PCDHGA3: variants seen among roughly 807,000 people sequenced by gnomAD.
The protein encoded by PCDHGA3 is protocadherin gamma-A3.
PCDHGA3 carries 40 observed loss-of-function variants against 58.5 expected under a neutral mutation model. The ratio of observed to expected loss-of-function variants is 0.68; its 90% confidence interval spans 0.53 to 0.89. The LOEUF is 0.89. PCDHGA3 is among the 40% of genes least tolerant of loss of function. The pLI is 0.00. For missense variants in PCDHGA3, 1,223 were observed against 1,195.9 expected (o/e 1.02, Z -0.33); for synonymous variants, 530 against 525.7 (o/e 1.01, Z -0.11).
rs751153896 is a variant in PCDHGA3, at chr5:141,477,514, T to C, written c.2425-17293T>C. On this transcript the variant is annotated intron_variant, in intron 1 of 3. Transcript: ENST00000253812. The surrounding 1 kb of genome is among the most constrained non-coding windows in gnomAD (Gnocchi z 4.9). ...CTCAATCTTCCTACGACGTTTACAT[T>C]GAAGAAAACAACCTCCCCGGGGCTC... is the stretch of plus-strand genomic sequence containing the variant. 2 of 1,614,114 alleles carry C rather than the reference T, an allele frequency of 1.2e-6. No individual in the cohort carries two copies. The highest frequency in any genetic ancestry group is 2.2e-5 in the East Asian group (1 of 44,878).
intron 1 of PCDHGA3, among the ~76,000 whole-genome samples, chr5:141,402,210 TTAAAA>T (rs1240114840): frequency 6.6e-6 from 1 of 152,008 alleles, no homozygotes; most frequent in African/African-American, 2.4e-5. Context: ...ATACAAAAAT[TTAAAA>T]TAAACGTTTT....
In PCDHGA3 at chr5:141,375,951, C is replaced by T. The variant is rs767101939; in HGVS notation, c.2424+29494C>T. 10 of 1,613,526 alleles carry T rather than the reference C, an allele frequency of 6.2e-6. No individual in the cohort carries two copies. The Admixed American group carries it at 1.5e-4, about 24-fold the overall frequency. ...GGACTTTTCTCAGTGGGCCTGCACA[C>T]GGGCGAGGTGCGCACGGCGCGCGCC... On this transcript the variant is annotated intron_variant, in intron 1 of 3. Transcript: ENST00000253812.
At chr5:141,414,703 T>C in intron 1 of PCDHGA3, 1 of 1,613,994 alleles carries the variant, frequency 6.2e-7, no homozygotes. Flanking sequence ...CTCATACATA[T>C]CCATCAACTC....
intron 1 of PCDHGA3, chr5:141,428,456 A>G (rs538022786): frequency 1.4e-5 from 5 of 358,650 alleles, no homozygotes; most frequent in South Asian, 1.1e-4. Context: ...TTTCCCAACT[A>G]CAATGAGGGA....
Position 141,472,217 on chromosome 5 carries a change from C to T in PCDHGA3, c.2425-22590C>T, listed in dbSNP as rs181908144. On this transcript the variant is annotated intron_variant, in intron 1 of 3. Transcript: ENST00000253812. ...CTTTTTGACACTAAGACCTTACTCTCGATCATATAATACATTCACTTTCTA... is the reference window on the plus strand; with the variant it reads ...CTTTTTGACACTAAGACCTTACTCTTGATCATATAATACATTCACTTTCTA... Among the ~76,000 whole-genome samples the T allele has an allele frequency of 3.1e-4, 47 of 152,234 alleles. 1 individual carries two copies. The highest frequency in any genetic ancestry group is 1.1e-3 in the African/African-American group (44 of 41,538).
At chr5:141,501,901 C>T (rs1595767273) in intron 2 of PCDHGA3, among the ~76,000 whole-genome samples, 1 of 152,070 alleles carries the variant, frequency 6.6e-6, no homozygotes, top group Non-Finnish European at 1.5e-5. Context: ...TGGTTCCAAC[C>T]CCACTGTTCC....
rs1385496143 is a variant in PCDHGA3, at chr5:141,361,418, G to A, written c.2424+14961G>A. On this transcript the variant is annotated intron_variant, in intron 1 of 3. Coordinates refer to ENST00000253812, the MANE Select transcript of PCDHGA3 (RefSeq NM_018916.4). ...CTCACCATCACAGCCACCGACGGGG[G>A]CAAGCCGCCCCTCTCCTCCAGCATA... The A allele has an allele frequency of 3.7e-6, 6 of 1,614,036 alleles. No individual in the cohort carries two copies. Among genetic ancestry groups the A allele is most frequent in the Non-Finnish European group, 5.1e-6 (6 of 1,179,900 alleles).
intron 1 of PCDHGA3, chr5:141,375,799 C>T: frequency 6.2e-7 from 1 of 1,614,232 alleles, no homozygotes; most frequent in Non-Finnish European, 8.5e-7. Flanking sequence ...CAGACGGTTC[C>T]ACTGGCGTGG....
At chr5:141,372,739 GT>G in intron 1 of PCDHGA3, 1 of 1,613,668 alleles carries the variant, frequency 6.2e-7, no homozygotes, top group Non-Finnish European at 8.5e-7. Context: ...GATCTTCTAT[GT>G]GATGAAGCCT....
At chr5:141,433,034 C>T in intron 1 of PCDHGA3, 1 of 1,614,184 alleles carries the variant, frequency 6.2e-7, no homozygotes. Flanking sequence ...CGAGGTTTCC[C>T]TCACCACGGA....
chr5:141,383,743 C>T (rs371173445), intron 1 of PCDHGA3: 56 of 1,613,920 alleles, frequency 3.5e-5, no homozygotes, highest in Non-Finnish European at 4.7e-5. Flanking sequence ...ATATTCTTTT[C>T]GGAAAATAAC....
chr5:141,393,013 T>A (rs754075095), intron 1 of PCDHGA3: 1 of 1,613,694 alleles, frequency 6.2e-7, no homozygotes, highest in African/African-American at 1.3e-5. Context: ...GTCCGTATCG[T>A]CTCCAGAGGT....
At chr5:141,404,002 A>G in intron 1 of PCDHGA3, 2 of 1,613,928 alleles carry the variant, frequency 1.2e-6, no homozygotes, top group South Asian at 1.1e-5. Context: ...TGACCATTAC[A>G]TCTCTGTTTA....
chr5:141,465,800 C>T (rs1486100601), intron 1 of PCDHGA3, among the ~76,000 whole-genome samples: 1 of 151,524 alleles, frequency 6.6e-6, no homozygotes, highest in African/African-American at 2.4e-5. Flanking sequence ...TTTAAGAAAC[C>T]CTTCAGGATC....
chr5:141,364,219 G>A lies in PCDHGA3; in HGVS notation c.2424+17762G>A, dbSNP rs1277207859. 4.5e-6 allele frequency: 6 copies of A among 1,322,924 alleles called. No individual in the cohort carries two copies. In the Admixed American group the frequency reaches 1.8e-4, roughly 41 times the overall value. 81.9% of individuals were successfully genotyped at this position (1,322,924 alleles called of 1,614,324 possible). On this transcript the variant is annotated intron_variant, in intron 1 of 3. Coordinates refer to ENST00000253812, the MANE Select transcript of PCDHGA3 (RefSeq NM_018916.4). The stretch of plus-strand genomic sequence containing the variant: ...CAGACCAGACAAGCTCCTACGAAAA[G>A]CCAACGCTCCACGCCCATTTTCGTC...
Position 141,487,315 on chromosome 5 carries a change from G to C in PCDHGA3, c.2425-7492G>C, listed in dbSNP as rs568326280. On this transcript the variant is annotated intron_variant, in intron 1 of 3. Transcript: ENST00000253812. The surrounding 1 kb of genome is among the most constrained non-coding windows in gnomAD (Gnocchi z 5.0). ...GCTCATTCGTGGCACTACTCTCTAA[G>C]TGTCTTCGTGGGGCAGCCTGTGGAG... 6.2e-7 allele frequency: 1 copy of C among 1,614,166 alleles called. No individual in the cohort carries two copies. Among genetic ancestry groups the C allele is most frequent in the Admixed American group, 1.7e-5 (1 of 60,028 alleles).
Position 141,356,374 on chromosome 5 carries a change from T to G in PCDHGA3, c.2424+9917T>G. ...ATGTTCTATTCCAGATAATCTGCCA[T>G]TCACACTTGAAAAGACCTATGGAAA... On this transcript the variant is annotated intron_variant, in intron 1 of 3. Transcript: ENST00000253812. 1.9e-6 allele frequency: 3 copies of G among 1,562,992 alleles called. No homozygotes were observed. The South Asian group carries it at 3.5e-5, about 18-fold the overall frequency.
chr5:141,365,735 G>T (rs1764082475), intron 1 of PCDHGA3: 6 of 1,613,626 alleles, frequency 3.7e-6, no homozygotes, highest in Non-Finnish European at 5.1e-6. Flanking sequence ...TCCCAGAGGT[G>T]TCTCTATCTT....
intron 1 of PCDHGA3, chr5:141,418,958 G>A: frequency 4.3e-6 from 7 of 1,614,000 alleles, no homozygotes; most frequent in Non-Finnish European, 5.9e-6. Context: ...AGTGGTTGTT[G>A]CCCTCTTCAA....
Sources: gnomAD v4.1 joint callset for allele counts (sites outside exome capture counted in the v4.1 genomes callset) on GRCh38, gnomAD v4.1.1 for gene constraint, Gnocchi (gnomAD v3.1) non-coding constraint, MANE v1.5 for transcripts, NCBI Gene and HGNC (gene_info 2026-07-23, HGNC 2026-07-21) for gene names.